Variants in CCM2L observed in about 807,000 individuals in gnomAD.
CCM2L encodes cerebral cavernous malformations 2 protein-like.
Under a neutral mutation model 54.1 loss-of-function variants are expected in CCM2L, and 36 were observed. That is an observed-to-expected ratio of 0.67 (90% CI 0.51 to 0.88). The LOEUF (loss-of-function observed/expected upper bound fraction) is 0.88, where lower values mean the gene tolerates loss of function less well. CCM2L is among the 40% of genes least tolerant of loss of function. The pLI, the probability that CCM2L is intolerant of heterozygous loss-of-function variation, is 0.00. For missense variants in CCM2L, 700 were observed against 812.1 expected, an observed-to-expected ratio of 0.86 and a Z score of 1.68; for synonymous variants, 351 against 359.3, an observed-to-expected ratio of 0.98 and a Z score of 0.26.
At chr20:32,016,325 C>T (rs572564738) in intron 2 of CCM2L, among the ~76,000 whole-genome samples, 3 of 151,870 alleles carry the variant, frequency 2.0e-5, no homozygotes, top group Admixed American at 1.3e-4. Flanking sequence ...TTGCAAGGGA[C>T]TAAAAATACT....
chr20:32,011,565 G>A (rs1338450418), intron 1 of CCM2L, among the ~76,000 whole-genome samples: 2 of 152,162 alleles, frequency 1.3e-5, no homozygotes, highest in Admixed American at 1.3e-4. Flanking sequence ...CTGCACTCCA[G>A]CCTGGGTGAC....
At chr20:32,019,673 T>G (rs918014313) in intron 5 of CCM2L, among the ~76,000 whole-genome samples, 2 of 152,116 alleles carry the variant, frequency 1.3e-5, no homozygotes, top group African/African-American at 4.8e-5. Context: ...ACGTTGTCAG[T>G]GTTGGCCCCA....
chr20:32,013,188 A>T (rs2064708625), intron 1 of CCM2L, among the ~76,000 whole-genome samples: 1 of 152,196 alleles, frequency 6.6e-6, no homozygotes, highest in South Asian at 2.1e-4. Context: ...AGTCCCAATT[A>T]CTTGGAAGGC....
rs2064930661 is a variant in CCM2L at position 32,031,610 on chromosome 20, C to T, written c.*296C>T. ...TGTCCCAGAAGTCCAGAGGGATCAG[C>T]CCCAGAACACACCCTCCTCCCCGGG... On this transcript the variant is annotated 3_prime_UTR_variant, in exon 10 of 10. Transcript: ENST00000452892. The T allele has an allele frequency of 5.2e-6, 1 of 193,854 alleles. No homozygotes were observed. Among genetic ancestry groups the T allele is most frequent in the Non-Finnish European group, 1.1e-5 (1 of 93,050 alleles). 12.0% of individuals were successfully genotyped at this position (193,854 alleles called of 1,614,324 possible).
Position 32,019,139 on chromosome 20 carries a change from C to T in CCM2L, c.663C>T (p.Gly221=). The T allele has an allele frequency of 8.8e-7, 1 of 1,136,644 alleles. No individual in the cohort carries two copies. Among genetic ancestry groups the T allele is most frequent in the Non-Finnish European group, 1.1e-6 (1 of 924,960 alleles). The allele number at this position is 1,136,644 out of a possible 1,614,324, so 70.4% of individuals were successfully genotyped here. A position where few individuals can be genotyped will look rare whatever the true frequency, so the allele number is the denominator to read the frequency against. The change falls in exon 5 of 10, where the codon GGC becomes GGT. Residue 221 remains glycine, a synonymous_variant. Coordinates refer to ENST00000452892, the MANE Select transcript of CCM2L (RefSeq NM_001365692.1). The part of the protein sequence containing the change: ...AAEARAGGGG[G]GSLERQRAGA... ...AGGCCCGGGCCGGGGGAGGCGGCGG[C>T]GGCAGCTTGGAGCGCCAGCGCGCCG...
At chr20:32,028,784 G>A in intron 7 of CCM2L, 1 of 588,850 alleles carries the variant, frequency 1.7e-6, no homozygotes, top group Non-Finnish European at 3.0e-6. Context: ...AGTAGAGGAA[G>A]AAGGAGAAGG....
intron 5 of CCM2L, among the ~76,000 whole-genome samples, chr20:32,020,731 A>G (rs1247200722): frequency 6.6e-6 from 1 of 152,184 alleles, no homozygotes; most frequent in Non-Finnish European, 1.5e-5. Flanking sequence ...CAAGCCTGTA[A>G]TCCCAGCACT....
intron 7 of CCM2L, chr20:32,028,711 A>T: frequency 2.3e-6 from 1 of 438,278 alleles, no homozygotes; most frequent in East Asian, 4.3e-5. Context: ...TGCAAAAGGG[A>T]GGGGAAAGGA....
At chr20:32,024,602 G>A (rs963775615) in intron 6 of CCM2L, among the ~76,000 whole-genome samples, 1 of 152,170 alleles carries the variant, frequency 6.6e-6, no homozygotes, top group African/African-American at 2.4e-5. Context: ...CAAGGCAGGT[G>A]GATCACCTGA....
chr20:32,031,412 G>A lies in CCM2L; in HGVS notation c.*98G>A. 3.9e-6 allele frequency: 4 copies of A among 1,033,114 alleles called. No individual in the cohort carries two copies. The highest frequency in any genetic ancestry group is 5.0e-6 in the Non-Finnish European group (4 of 799,332). 64.0% of individuals were successfully genotyped at this position (1,033,114 alleles called of 1,614,324 possible). A position where few individuals can be genotyped will look rare whatever the true frequency, so the allele number is the denominator to read the frequency against. On this transcript the variant is annotated 3_prime_UTR_variant, in exon 10 of 10. Coordinates refer to ENST00000452892, the MANE Select transcript of CCM2L (RefSeq NM_001365692.1). ...CCAGGGCCCCCCCATCACACCTGGCGGGGCCGGGGGGTCTTCACTCCAGGG... is the reference window on the plus strand; with the variant it reads ...CCAGGGCCCCCCCATCACACCTGGCAGGGCCGGGGGGTCTTCACTCCAGGG...
intron 4 of CCM2L, 137 bp from the exon 5 acceptor site, chr20:32,018,806 C>T (rs2064766691): frequency 2.7e-6 from 3 of 1,096,260 alleles, no homozygotes; most frequent in East Asian, 3.5e-5. Context: ...GGGGAACCGC[C>T]GCGCTACTTT....
chr20:32,015,458 A>G (rs2064733528), intron 2 of CCM2L, among the ~76,000 whole-genome samples: 1 of 152,254 alleles, frequency 6.6e-6, no homozygotes, highest in Non-Finnish European at 1.5e-5. Context: ...TTCAGGAGGT[A>G]AAGGAAGGCA....
intron 5 of CCM2L, among the ~76,000 whole-genome samples, chr20:32,020,381 T>C (rs180762560): frequency 6.6e-6 from 1 of 152,334 alleles, no homozygotes; most frequent in Non-Finnish European, 1.5e-5. Flanking sequence ...ACCAAGCTGG[T>C]TCCTCCTCTT....
Position 32,019,086 on chromosome 20 carries a change from C to A in CCM2L, c.610C>A (p.Arg204=), listed in dbSNP as rs1356993895. ...CCACACCATCTGCAGCCTGGACTGG[C>A]GGATGGGGTGGGGTGGGGGCGCCGC... ...RRHTICSLDW[R]MGWGGGAAEA... Residue 204 remains arginine (R), a synonymous_variant, in exon 5 of 10, where the codon CGG becomes AGG. Transcript: ENST00000452892. 3.3e-6 allele frequency: 4 copies of A among 1,200,314 alleles called. No individual in the cohort carries two copies. The highest frequency in any genetic ancestry group is 3.6e-5 in the East Asian group (1 of 28,136). The allele number at this position is 1,200,314 out of a possible 1,614,324, so 74.4% of individuals were successfully genotyped here.
chr20:32,013,203 G>A (rs2064708704), intron 1 of CCM2L, among the ~76,000 whole-genome samples: 2 of 152,180 alleles, frequency 1.3e-5, no homozygotes, highest in African/African-American at 4.8e-5. Flanking sequence ...GAAGGCTGAG[G>A]CAGAGGGATC....
chr20:32,029,669 GGATT>G lies in CCM2L; in HGVS notation c.1264-27_1264-24del, dbSNP rs760073212. 7 of 1,576,746 alleles carry G rather than the reference GGATT, an allele frequency of 4.4e-6. No homozygotes were observed. In the African/African-American group the frequency reaches 9.5e-5, roughly 21 times the overall value. Reference sequence around the variant, plus strand: ...AGGGGTTGGGTGGCGCTGCTTCCTGGGATTGATCTCGAATGGTGTCCCCCACATA... The same window carrying G: ...AGGGGTTGGGTGGCGCTGCTTCCTGGGATCTCGAATGGTGTCCCCCACATA... On this transcript the variant is annotated intron_variant, in intron 8 of 9. Transcript: ENST00000452892.
chr20:32,031,447 C>T lies in CCM2L; in HGVS notation c.*133C>T, dbSNP rs535551264. 4.2e-6 allele frequency: 3 copies of T among 708,918 alleles called. No homozygotes were observed. Among genetic ancestry groups the T allele is most frequent in the African/African-American group, 3.8e-5 (2 of 52,922 alleles). The allele number at this position is 708,918 out of a possible 1,614,324, so 43.9% of individuals were successfully genotyped here. On this transcript the variant is annotated 3_prime_UTR_variant, in exon 10 of 10. Coordinates refer to ENST00000452892, the MANE Select transcript of CCM2L (RefSeq NM_001365692.1). Reference sequence around the variant, plus strand: ...GGTCTTCACTCCAGGGTCTCGCTCCCTGCCCTTGGGGCCCGGGGCCATGCA... The same window carrying T: ...GGTCTTCACTCCAGGGTCTCGCTCCTTGCCCTTGGGGCCCGGGGCCATGCA...
At chr20:32,024,601 T>C (rs2064836704) in intron 6 of CCM2L, among the ~76,000 whole-genome samples, 1 of 152,114 alleles carries the variant, frequency 6.6e-6, no homozygotes, top group Admixed American at 6.5e-5. Flanking sequence ...CCAAGGCAGG[T>C]GGATCACCTG....
intron 6 of CCM2L, among the ~76,000 whole-genome samples, chr20:32,024,280 T>G (rs1057442097): frequency 2.6e-5 from 4 of 152,238 alleles, no homozygotes; most frequent in African/African-American, 9.6e-5. Context: ...GACCCTCGCA[T>G]CTGTGGGAGC....
Sources: gnomAD v4.1 joint callset for allele counts (sites outside exome capture counted in the v4.1 genomes callset) on GRCh38, gnomAD v4.1.1 for gene constraint, MANE v1.5 for transcripts, NCBI Gene and HGNC (gene_info 2026-07-23, HGNC 2026-07-21) for gene names.